GNAI3: variants seen among roughly 807,000 people sequenced by gnomAD.
The protein encoded by GNAI3 is G protein subunit alpha i3.
GNAI3 carries 12 observed loss-of-function variants against 41.8 expected under a neutral mutation model. The ratio of observed to expected loss-of-function variants is 0.29; its 90% CI spans 0.18 to 0.47. GNAI3 has a LOEUF of 0.47. GNAI3 is among the 20% of genes least tolerant of loss of function. The probability of loss-of-function intolerance (pLI) is 1.00; values close to 1 mark genes in which losing one functional copy is unlikely to be tolerated. For missense variants in GNAI3, 360 were observed against 429.6 expected, an observed-to-expected ratio of 0.84 and a Z score of 1.43; for synonymous variants, 132 against 146.5, an observed-to-expected ratio of 0.90 and a Z score of 0.71.
In GNAI3 at chr1:109,573,765, T is replaced by G. The variant is rs1648666750; in HGVS notation, c.147T>G (p.Ile49Met). 1 of 1,612,386 alleles carries G rather than the reference T, an allele frequency of 6.2e-7. No individual in the cohort carries two copies. The highest frequency in any genetic ancestry group is 8.5e-7 in the Non-Finnish European group (1 of 1,178,554). The change falls in exon 2 of 9, where the codon ATT becomes ATG. Residue 49 changes from isoleucine to methionine, a missense_variant. Physicochemically the swap from Ile to Met is conservative, Grantham distance 10. Coordinates refer to ENST00000369851, the MANE Select transcript of GNAI3 (RefSeq NM_006496.4). ...LGAGESGKSTIVKQMKIIHED... is the reference protein window; with the variant it reads ...LGAGESGKSTMVKQMKIIHED... The stretch of plus-strand genomic sequence containing the variant: ...CTGGAGAATCTGGTAAAAGCACCAT[T>G]GTGAAACAGATGAAGTAAGTTGGAA...
At chr1:109,571,697 C>T (rs995472235) in intron 1 of GNAI3, among the ~76,000 whole-genome samples, 6 of 152,236 alleles carry the variant, frequency 3.9e-5, no homozygotes, top group Middle Eastern at 3.4e-3. Context: ...GCAGGTGGAT[C>T]GCTTGAGCCC....
At chr1:109,562,818 T>G (rs1648350844) in intron 1 of GNAI3, among the ~76,000 whole-genome samples, 1 of 152,084 alleles carries the variant, frequency 6.6e-6, no homozygotes, top group East Asian at 1.9e-4. Flanking sequence ...ATCCCAAAAT[T>G]TTACAATTTT....
chr1:109,570,117 G>C (rs1266931704), intron 1 of GNAI3, among the ~76,000 whole-genome samples: 1 of 152,172 alleles, frequency 6.6e-6, no homozygotes, highest in Admixed American at 6.5e-5. Context: ...ATGAATGAGA[G>C]GATTCACCTT....
chr1:109,579,809 C>T (rs1296062430), intron 4 of GNAI3, among the ~76,000 whole-genome samples: 1 of 152,130 alleles, frequency 6.6e-6, no homozygotes. Context: ...TTTGCCAGAT[C>T]ACAGTAGTAG....
In GNAI3 at chr1:109,594,379, A is replaced by G. The variant is rs575062540; in HGVS notation, c.*2057A>G. The G allele has an allele frequency of 6.6e-6, 1 of 152,368 alleles. No individual in the cohort carries two copies. Among genetic ancestry groups the G allele is most frequent in the Admixed American group, 6.5e-5 (1 of 15,300 alleles). The allele number at this position is 152,368 out of a possible 1,614,324, so 9.4% of individuals were successfully genotyped here. A position where few individuals can be genotyped will look rare whatever the true frequency, so the allele number is the denominator to read the frequency against. ...ACTTTGAATTTGTATTTTCATTTGA[A>G]TATCTATCTGATATGTTAAATTTTT... is the stretch of plus-strand genomic sequence containing the variant. On this transcript the variant is annotated 3_prime_UTR_variant, in exon 9 of 9. Coordinates refer to ENST00000369851, the MANE Select transcript of GNAI3 (RefSeq NM_006496.4).
At position 109,593,671 on chromosome 1, in the gene GNAI3, T is replaced by C. The variant is rs1014775498; in HGVS notation, c.*1349T>C. 1 of 151,894 alleles carries C rather than the reference T, an allele frequency of 6.6e-6. No individual in the cohort carries two copies. The highest frequency in any genetic ancestry group is 1.5e-5 in the Non-Finnish European group (1 of 67,856). The allele number at this position is 151,894 out of a possible 1,614,324, so 9.4% of individuals were successfully genotyped here. On this transcript the variant is annotated 3_prime_UTR_variant, in exon 9 of 9. Coordinates refer to ENST00000369851, the MANE Select transcript of GNAI3 (RefSeq NM_006496.4). ...TTGGTGTAATAGTATTGTTGAACCT[T>C]AGGTTTTATGTTATATCTGCATATG... is the stretch of plus-strand genomic sequence containing the variant.
At chr1:109,578,633 T>C (rs891140553) in intron 3 of GNAI3, among the ~76,000 whole-genome samples, 10 of 152,172 alleles carry the variant, frequency 6.6e-5, no homozygotes, top group African/African-American at 2.4e-4. Context: ...GTTTGAATCT[T>C]TCCCTGAGGG....
intron 6 of GNAI3, among the ~76,000 whole-genome samples, 160 bp downstream of exon 6, chr1:109,586,505 C>T (rs1195924348): frequency 6.6e-6 from 1 of 152,168 alleles, no homozygotes; most frequent in Non-Finnish European, 1.5e-5. Flanking sequence ...GATGTTATAG[C>T]CACCTTGAGT....
Position 109,592,694 on chromosome 1 carries a change from A to G in GNAI3, c.*372A>G, listed in dbSNP as rs1649201844. The G allele has an allele frequency of 6.5e-6, 1 of 153,002 alleles. No homozygotes were observed. The highest frequency in any genetic ancestry group is 2.1e-4 in the South Asian group (1 of 4,850). The allele number at this position is 153,002 out of a possible 1,614,324, so 9.5% of individuals were successfully genotyped here. On this transcript the variant is annotated 3_prime_UTR_variant, in exon 9 of 9. Transcript: ENST00000369851. ...AGTGGTTCATTTTTAAGGTTTTTTCATCAAGAGAAGAATAACTTTACTAAA... is the reference window on the plus strand; with the variant it reads ...AGTGGTTCATTTTTAAGGTTTTTTCGTCAAGAGAAGAATAACTTTACTAAA...
Position 109,598,165 on chromosome 1 carries a change from T to A in GNAI3, c.*5843T>A, listed in dbSNP as rs917832463. On this transcript the variant is annotated 3_prime_UTR_variant, in exon 9 of 9. Transcript: ENST00000369851. ...TACGCCCAAAATTCTCCTTAGGTTA[T>A]CCAGACATTTTTACTAAGATGCTTA... 8 of 152,352 alleles carry A rather than the reference T, an allele frequency of 5.3e-5. No individual in the cohort carries two copies. The highest frequency in any genetic ancestry group is 1.7e-4 in the African/African-American group (7 of 41,584). 9.4% of individuals were successfully genotyped at this position (152,352 alleles called of 1,614,324 possible). A position where few individuals can be genotyped will look rare whatever the true frequency, so the allele number is the denominator to read the frequency against.
chr1:109,583,741 C>T (rs898980467), intron 5 of GNAI3, among the ~76,000 whole-genome samples: 19 of 147,430 alleles, frequency 1.3e-4, no homozygotes, highest in South Asian at 6.7e-4. Context: ...GCACCACGCC[C>T]GGCTAATTTT....
At position 109,580,734 on chromosome 1, in the gene GNAI3, G is replaced by GTGTATCTCAGCATCTCTAAACATA. The variant is rs1648870617; in HGVS notation, c.461+1374_461+1375insGTATCTCAGCATCTCTAAACATAT. Among the ~76,000 whole-genome samples, 3 of 152,236 alleles carry GTGTATCTCAGCATCTCTAAACATA rather than the reference G, an allele frequency of 2.0e-5. No individual in the cohort carries two copies. In the South Asian group the frequency reaches 6.2e-4, roughly 32 times the overall value. The stretch of plus-strand genomic sequence containing the variant: ...TCAGCATCTCTAAACATATAAAAGG[G>GTGTATCTCAGCATCTCTAAACATA]TAATGCAATGGCTATGATGTCACTG... On this transcript the variant is annotated intron_variant, in intron 4 of 8. Transcript: ENST00000369851.
intron 3 of GNAI3, among the ~76,000 whole-genome samples, chr1:109,578,964 G>A (rs1648823015): frequency 6.6e-6 from 1 of 152,172 alleles, no homozygotes; most frequent in Admixed American, 6.5e-5. Flanking sequence ...ATGGTGGTGT[G>A]TGGAGGAGTG....
rs1649227082 is a variant in GNAI3, at chr1:109,593,767, C to A, written c.*1445C>A. Reference sequence around the variant, plus strand: ...GTGTGGAAAGTTACGTTCACTTCAACCTACAGACCCTTTTGTATAATGTAC... The same window carrying A: ...GTGTGGAAAGTTACGTTCACTTCAAACTACAGACCCTTTTGTATAATGTAC... On this transcript the variant is annotated 3_prime_UTR_variant, in exon 9 of 9. Coordinates refer to ENST00000369851, the MANE Select transcript of GNAI3 (RefSeq NM_006496.4). The A allele has an allele frequency of 6.6e-6, 1 of 152,636 alleles. No homozygotes were observed. The highest frequency in any genetic ancestry group is 2.4e-5 in the African/African-American group (1 of 41,452). 9.5% of individuals were successfully genotyped at this position (152,636 alleles called of 1,614,324 possible).
chr1:109,573,678 A>G, intron 1 of GNAI3, 59 bp from the exon 2 acceptor site: 5 of 1,336,384 alleles, frequency 3.7e-6, no homozygotes, highest in Non-Finnish European at 4.3e-6. Flanking sequence ...ATTCATGTTG[A>G]TATTATACTT....
intron 1 of GNAI3, among the ~76,000 whole-genome samples, chr1:109,550,471 A>C (rs980639545): frequency 2.6e-5 from 4 of 152,106 alleles, no homozygotes; most frequent in Admixed American, 6.5e-5. Context: ...GAGCCAGCAA[A>C]TGTTGAACAC....
At chr1:109,568,700 G>A (rs1236348456) in intron 1 of GNAI3, among the ~76,000 whole-genome samples, 1 of 150,960 alleles carries the variant, frequency 6.6e-6, no homozygotes, top group Non-Finnish European at 1.5e-5. Flanking sequence ...TTTTCTTTTT[G>A]CCAGAACAAG....
At chr1:109,582,072 C>G (rs1490429421) in intron 4 of GNAI3, among the ~76,000 whole-genome samples, 1 of 152,054 alleles carries the variant, frequency 6.6e-6, no homozygotes, top group Non-Finnish European at 1.5e-5. Flanking sequence ...CAGCCTTGAC[C>G]TCTTGGGTTC....
rs1298098588 is a variant in GNAI3, at chr1:109,594,464, T to G, written c.*2142T>G. On this transcript the variant is annotated 3_prime_UTR_variant, in exon 9 of 9. Coordinates refer to ENST00000369851, the MANE Select transcript of GNAI3 (RefSeq NM_006496.4). The stretch of plus-strand genomic sequence containing the variant: ...TTTTTCTGCCTCTGTACCATTTACA[T>G]TTGCTCTCTGTTTGTTAACATGAAG... 6.6e-6 allele frequency: 1 copy of G among 152,190 alleles called. No homozygotes were observed. Among genetic ancestry groups the G allele is most frequent in the Admixed American group, 6.5e-5 (1 of 15,272 alleles). The allele number at this position is 152,190 out of a possible 1,614,324, so 9.4% of individuals were successfully genotyped here.
Sources: gnomAD v4.1 joint callset for allele counts (sites outside exome capture counted in the v4.1 genomes callset) on GRCh38, gnomAD v4.1.1 for gene constraint, MANE v1.5 for transcripts, NCBI Gene and HGNC (gene_info 2026-07-23, HGNC 2026-07-21) for gene names.